The following TRPA1 variants were observed in gnomAD, a reference collection of about 807,000 sequenced individuals.
TRPA1 encodes the protein transient receptor potential cation channel subfamily A member 1.
A neutral mutation model predicts 131.3 loss-of-function variants in TRPA1; 129 were observed. That is an observed-to-expected ratio of 0.98 (90% CI 0.85 to 1.14). TRPA1 has a LOEUF of 1.14. Ranked by LOEUF, TRPA1 falls within the 50% of genes most tolerant of loss-of-function variation. The pLI is 0.00. For synonymous variants in TRPA1, 441 were observed against 451.7 expected, an observed-to-expected ratio of 0.98 and a Z score of 0.30; for missense variants, 1,304 against 1,354.2, an observed-to-expected ratio of 0.96 and a Z score of 0.58.
intron 24 of TRPA1, among the ~76,000 whole-genome samples, chr8:72,029,031 G>A (rs1278641357): frequency 2.0e-5 from 3 of 152,164 alleles, no homozygotes; most frequent in Non-Finnish European, 4.4e-5. Context: ...AGACAATCCA[G>A]TGAAGAGCAT....
Position 72,038,779 on chromosome 8 carries a change from G to T in TRPA1, c.2295+86C>A, listed in dbSNP as rs552309673. The T allele has an allele frequency of 4.6e-5, 53 of 1,164,192 alleles. No homozygotes were observed. In the African/African-American group the frequency reaches 7.4e-4, roughly 16 times the overall value. The allele number at this position is 1,164,192 out of a possible 1,614,324, so 72.1% of individuals were successfully genotyped here. ...GCTATTTATAATAAAGTCCTGATAT[G>T]TCAGATTTATTATGGGTTTAGTAGT... On this transcript the variant is annotated intron_variant, in intron 19 of 26. Coordinates refer to ENST00000262209, the MANE Select transcript of TRPA1 (RefSeq NM_007332.3).
intron 12 of TRPA1, 158 bp downstream of exon 12, chr8:72,055,278 T>G: frequency 1.5e-6 from 1 of 658,624 alleles, no homozygotes; most frequent in South Asian, 2.0e-5. Context: ...CCTTTCAGTA[T>G]TTTTAGAAGT....
chr8:72,056,053 A>G, intron 10 of TRPA1, 198 bp from the exon 11 acceptor site: 1 of 621,344 alleles, frequency 1.6e-6, no homozygotes, highest in Admixed American at 2.7e-5. Flanking sequence ...TTTAGTGTAC[A>G]TTACCATATT....
intron 23 of TRPA1, among the ~76,000 whole-genome samples, chr8:72,033,098 C>G (rs1563383403): frequency 6.6e-6 from 1 of 152,190 alleles, no homozygotes; most frequent in East Asian, 1.9e-4. Flanking sequence ...AAGGCGGCAT[C>G]TGAACGTCGC....
intron 3 of TRPA1, among the ~76,000 whole-genome samples, chr8:72,067,117 C>T (rs958373632): frequency 2.0e-5 from 3 of 152,162 alleles, no homozygotes; most frequent in Admixed American, 2.0e-4. Flanking sequence ...CAGTTTTTTA[C>T]TTTACAACCA....
Position 72,075,343 on chromosome 8 carries a change from C to T in TRPA1, c.67G>A (p.Glu23Lys), listed in dbSNP as rs777169867. ...TCCTCCGTGTCGTCCGGCACATCCT[C>T]ATAGACAACGCCCTGGGGCTCCTTC... ...EKKEPQGVVY[E>K]DVPDDTEDFK... is the part of the protein sequence containing the mutation. The change falls in exon 1 of 27, where the codon GAG becomes AAG. Residue 23 changes from glutamate to lysine, a missense_variant. Coordinates refer to ENST00000262209, the MANE Select transcript of TRPA1 (RefSeq NM_007332.3). The T allele has an allele frequency of 1.9e-6, 3 of 1,613,312 alleles. No homozygotes were observed. The highest frequency in any genetic ancestry group is 1.7e-6 in the Non-Finnish European group (2 of 1,179,842).
chr8:72,052,573 TGACAGTG>T lies in TRPA1; in HGVS notation c.1811+19_1811+25del. 1.9e-6 allele frequency: 3 copies of T among 1,613,094 alleles called. No homozygotes were observed. Among genetic ancestry groups the T allele is most frequent in the Non-Finnish European group, 2.5e-6 (3 of 1,179,424 alleles). On this transcript the variant is annotated intron_variant, in intron 14 of 26. Transcript: ENST00000262209. Reference sequence around the variant, plus strand: ...CATCCCAACACCAGAGAACACTAAATGACAGTGGACAGGAAGACAGTGTACCTTTTGC... The same window carrying T: ...CATCCCAACACCAGAGAACACTAAATGACAGGAAGACAGTGTACCTTTTGC...
intron 17 of TRPA1, among the ~76,000 whole-genome samples, chr8:72,042,144 A>G (rs1029873918): frequency 6.6e-6 from 1 of 151,884 alleles, no homozygotes; most frequent in African/African-American, 2.4e-5. Flanking sequence ...TGTAAATCAT[A>G]TATCTTATAA....
chr8:72,026,034 AAAGTGGCAGCTTCTTCTCT>A lies in TRPA1; in HGVS notation c.2958_2976del (p.Leu986PhefsTer38), dbSNP rs1179991415. The A allele has an allele frequency of 1.2e-6, 2 of 1,614,046 alleles. No homozygotes were observed. The highest frequency in any genetic ancestry group is 2.2e-5 in the South Asian group (2 of 91,088). On this transcript the variant is annotated frameshift_variant, in exon 25 of 27. Coordinates refer to ENST00000262209, the MANE Select transcript of TRPA1 (RefSeq NM_007332.3). LOFTEE classifies it high-confidence loss of function. Reference sequence around the variant, plus strand: ...TTCTGATCCACTTTGCGTAGAAACCAAAGTGGCAGCTTCTTCTCTAAGCTGGTATGAAGTTCCACCTAAA... The same window carrying A: ...TTCTGATCCACTTTGCGTAGAAACCAAAGCTGGTATGAAGTTCCACCTAAA...
the TRPA1 span, among the ~76,000 whole-genome samples, chr8:72,083,520 G>C: frequency 6.6e-6 from 1 of 151,656 alleles, no homozygotes; most frequent in Non-Finnish European, 1.5e-5. Context: ...GGATCACGAG[G>C]TCAAGGGATC....
intron 11 of TRPA1, 35 bp from the exon 12 acceptor site, chr8:72,055,635 A>T: frequency 1.2e-6 from 2 of 1,613,604 alleles, no homozygotes; most frequent in Non-Finnish European, 1.7e-6. Flanking sequence ...TTTCAAGGCA[A>T]ATATTAAACA....
chr8:72,061,834 G>A (rs986370148), intron 6 of TRPA1, 73 bp from the exon 7 acceptor site: 2 of 1,508,528 alleles, frequency 1.3e-6, no homozygotes, highest in Non-Finnish European at 1.8e-6. Flanking sequence ...TCAGCTGTGA[G>A]CTTTTTCTTC....
At chr8:72,050,427 G>T (rs1805472128) in intron 15 of TRPA1, among the ~76,000 whole-genome samples, 1 of 152,060 alleles carries the variant, frequency 6.6e-6, no homozygotes, top group Middle Eastern at 3.2e-3. Flanking sequence ...AAGCATCCTG[G>T]TTTCAAACAT....
At chr8:72,041,014 G>A (rs933080700) in intron 17 of TRPA1, among the ~76,000 whole-genome samples, 2 of 151,916 alleles carry the variant, frequency 1.3e-5, no homozygotes, top group Admixed American at 6.6e-5. Context: ...GAAATTGAAC[G>A]GATGGAAAAA....
Position 72,038,936 on chromosome 8 carries a change from G to A in TRPA1, c.2224C>T (p.Pro742Ser), listed in dbSNP as rs1287230902. ...PMTILVVNIK[P>S]GMAFNSTGII... ...CCAGTTGAGTTGAAAGCCATTCCTG[G>A]TTTTATATTGACAACGAGAATGGTC... is the stretch of plus-strand genomic sequence containing the variant. The change falls in exon 19 of 27, where the codon CCA (proline) becomes TCA (serine). Residue 742 changes from proline to serine, a missense_variant. Pro to Ser is a moderately conservative substitution (Grantham distance 74, BLOSUM62 -1). Transcript: ENST00000262209. The A allele has an allele frequency of 1.2e-6, 2 of 1,612,890 alleles. No homozygotes were observed. The highest frequency in any genetic ancestry group is 1.7e-5 in the Admixed American group (1 of 59,938).
At chr8:72,061,552 T>C in intron 7 of TRPA1, 73 bp downstream of exon 7, 4 of 1,578,908 alleles carry the variant, frequency 2.5e-6, no homozygotes. Flanking sequence ...TAGTGCTAAC[T>C]GCTCCTTGCA....
intron 1 of TRPA1, among the ~76,000 whole-genome samples, chr8:72,073,118 A>C (rs1198353268): frequency 1.3e-5 from 2 of 152,246 alleles, no homozygotes; most frequent in Non-Finnish European, 2.9e-5. Flanking sequence ...ATAATAGACT[A>C]GATCACTTTT....
intron 12 of TRPA1, 127 bp downstream of exon 12, chr8:72,055,309 A>AC: frequency 1.3e-6 from 1 of 784,506 alleles, no homozygotes; most frequent in Admixed American, 2.7e-5. Context: ...TTGATGAAAA[A>AC]ATAAATTGGA....
At chr8:72,077,346 G>A (rs1392429498), upstream of TRPA1, among the ~76,000 whole-genome samples, 2 of 151,918 alleles carry the variant, frequency 1.3e-5, no homozygotes, top group Admixed American at 1.3e-4. Context: ...ATGGTTGAGG[G>A]GAATTCTGGG....
Sources: gnomAD v4.1 joint callset for allele counts (sites outside exome capture counted in the v4.1 genomes callset) on GRCh38, gnomAD v4.1.1 for gene constraint, MANE v1.5 for transcripts, NCBI Gene and HGNC (gene_info 2026-07-23, HGNC 2026-07-21) for gene names.